ST8SIA5: variants seen among roughly 807,000 people sequenced by gnomAD.
ST8SIA5 encodes ST8 alpha-N-acetyl-neuraminide alpha-2,8-sialyltransferase 5, also known as alpha-2,8-sialyltransferase 8E.
ST8SIA5 carries 24 observed loss-of-function variants against 40.2 expected under a neutral mutation model. The ratio of observed to expected loss-of-function variants is 0.60; its 90% CI spans 0.43 to 0.84. The LOEUF (loss-of-function observed/expected upper bound fraction) is 0.84. Ranked by LOEUF, ST8SIA5 falls within the 40% of genes least tolerant of loss-of-function variation. The pLI is 0.00. For missense variants in ST8SIA5, 465 were observed against 498.5 expected (o/e 0.93, Z 0.64); for synonymous variants, 198 against 201.8 (o/e 0.98, Z 0.16).
In ST8SIA5 at chr18:46,676,342, C is replaced by G. The variant is rs1599092390; in HGVS notation, c.*3700G>C. 6.6e-6 allele frequency: 1 copy of G among 152,230 alleles called. No homozygotes were observed. The highest frequency in any genetic ancestry group is 2.1e-4 in the South Asian group (1 of 4,834). 9.4% of individuals were successfully genotyped at this position (152,230 alleles called of 1,614,324 possible). On this transcript the variant is annotated 3_prime_UTR_variant, in exon 7 of 7. Coordinates refer to ENST00000315087, the MANE Select transcript of ST8SIA5 (RefSeq NM_013305.6). The stretch of plus-strand genomic sequence containing the variant: ...CACCAGACCACAAACTCCCGGAGGG[C>G]AGGGACGACGTTTTGTTCATCACTA...
chr18:46,725,959 TAAAAAAAA>T (rs72220502), intron 1 of ST8SIA5, among the ~76,000 whole-genome samples: 1 of 17,194 alleles, frequency 5.8e-5, no homozygotes, highest in African/African-American at 3.0e-4. Flanking sequence ...CATCTCTACT[TAAAAAAAA>T]AAAAAATATA....
chr18:46,681,467 T>C (rs957259872), intron 6 of ST8SIA5, among the ~76,000 whole-genome samples: 1 of 152,212 alleles, frequency 6.6e-6, no homozygotes, highest in African/African-American at 2.4e-5. Flanking sequence ...GGCTAGGGTT[T>C]CAACACTTCC....
chr18:46,689,353 A>G (rs1391609414), intron 3 of ST8SIA5, among the ~76,000 whole-genome samples: 1 of 152,066 alleles, frequency 6.6e-6, no homozygotes, highest in Non-Finnish European at 1.5e-5. Context: ...GAGCTTTCCA[A>G]AGAGCTCCCA....
intron 2 of ST8SIA5, among the ~76,000 whole-genome samples, chr18:46,698,901 G>C (rs2039583464): frequency 6.6e-6 from 1 of 152,190 alleles, no homozygotes; most frequent in Non-Finnish European, 1.5e-5. Context: ...AGGGGAAAAA[G>C]ATGGCTAGAA....
At chr18:46,754,226 G>A (rs1221673444) in intron 1 of ST8SIA5, among the ~76,000 whole-genome samples, 1 of 152,180 alleles carries the variant, frequency 6.6e-6, no homozygotes, top group East Asian at 1.9e-4. Flanking sequence ...GGAGAGACGG[G>A]AGGAAATTGT....
chr18:46,728,356 A>G (rs1167598518), intron 1 of ST8SIA5, among the ~76,000 whole-genome samples: 1 of 152,200 alleles, frequency 6.6e-6, no homozygotes, highest in Non-Finnish European at 1.5e-5. Context: ...AAGGGGAGGA[A>G]GTGGCACATG....
chr18:46,710,794 T>C (rs905092448), intron 1 of ST8SIA5, among the ~76,000 whole-genome samples: 18 of 152,076 alleles, frequency 1.2e-4, no homozygotes, highest in Admixed American at 6.6e-5. Flanking sequence ...TCCAGGGCCA[T>C]GTTTCCTTTC....
chr18:46,746,279 C>A (rs2040139500), intron 1 of ST8SIA5, among the ~76,000 whole-genome samples: 1 of 152,190 alleles, frequency 6.6e-6, no homozygotes, highest in Non-Finnish European at 1.5e-5. Flanking sequence ...ATCAAATTGT[C>A]CCGGTTTGCA....
At chr18:46,747,209 A>G (rs1323121494) in intron 1 of ST8SIA5, among the ~76,000 whole-genome samples, 2 of 152,256 alleles carry the variant, frequency 1.3e-5, no homozygotes, top group Admixed American at 6.5e-5. Context: ...CAAAAGCCAA[A>G]ATAGACAAAT....
Position 46,741,623 on chromosome 18 carries a change from A to C in ST8SIA5, c.131+14755T>G, listed in dbSNP as rs1002387793. Among the ~76,000 whole-genome samples the C allele has an allele frequency of 2.6e-5, 4 of 152,242 alleles. No individual in the cohort carries two copies. The East Asian group carries it at 7.7e-4, about 29-fold the overall frequency. On this transcript the variant is annotated intron_variant, in intron 1 of 6. Transcript: ENST00000315087. ...GAAACAGAACAGATCATCCTGAATA[A>C]AAATAATAGCAAACAAAATCTCACA...
chr18:46,694,964 G>T (rs2039542825), intron 2 of ST8SIA5, among the ~76,000 whole-genome samples: 1 of 152,044 alleles, frequency 6.6e-6, no homozygotes, highest in African/African-American at 2.4e-5. Context: ...TTTGAGACCA[G>T]CCTGGCCAAC....
Position 46,742,105 on chromosome 18 carries a change from AT to A in ST8SIA5, c.131+14272del, listed in dbSNP as rs765621341. ...GCCAGAGCGACGCTCCATGTAAAAAATAAATAAATAAATAAATATAATTTTC... is the reference window on the plus strand; with the variant it reads ...GCCAGAGCGACGCTCCATGTAAAAAAAAATAAATAAATAAATATAATTTTC... On this transcript the variant is annotated intron_variant, in intron 1 of 6. Coordinates refer to ENST00000315087, the MANE Select transcript of ST8SIA5 (RefSeq NM_013305.6). Among the ~76,000 whole-genome samples the A allele has an allele frequency of 1.1e-3, 158 of 149,730 alleles. 2 individuals carry two copies. The highest frequency in any genetic ancestry group is 1.1e-3 in the Non-Finnish European group (75 of 67,178).
At position 46,678,468 on chromosome 18, in the gene ST8SIA5, C is replaced by T. The variant is rs2039354988; in HGVS notation, c.*1574G>A. ...GTGATTGGATAGCAGATCCCACTCC[C>T]TGATAGACTCTTACAGCTCCTAACC... On this transcript the variant is annotated 3_prime_UTR_variant, in exon 7 of 7. Transcript: ENST00000315087. 6.6e-6 allele frequency: 1 copy of T among 152,324 alleles called. No individual in the cohort carries two copies. Among genetic ancestry groups the T allele is most frequent in the Non-Finnish European group, 1.5e-5 (1 of 68,126 alleles). 9.4% of individuals were successfully genotyped at this position (152,324 alleles called of 1,614,324 possible). A position where few individuals can be genotyped will look rare whatever the true frequency, so the allele number is the denominator to read the frequency against.
intron 3 of ST8SIA5, among the ~76,000 whole-genome samples, chr18:46,690,365 G>A (rs1042528863): frequency 6.6e-6 from 1 of 152,142 alleles, no homozygotes; most frequent in Non-Finnish European, 1.5e-5. Flanking sequence ...CCATGAGCTT[G>A]AAATGAGAGC....
At chr18:46,699,659 A>T (rs328112) in intron 2 of ST8SIA5, among the ~76,000 whole-genome samples, 9,109 of 152,282 alleles carry the variant, frequency 0.06, 670 homozygotes, top group East Asian at 0.37. Context: ...GATTACAGGC[A>T]TGAGCCACCG....
In ST8SIA5 at chr18:46,756,453, A is replaced by T. The variant is rs1316730321; in HGVS notation, c.56T>A (p.Leu19His). The change falls in exon 1 of 7, where the codon CTC becomes CAC. Residue 19 changes from leucine (L) to histidine (H), a missense_variant. By Grantham distance (99) the Leu-to-His change is moderately conservative. Coordinates refer to ENST00000315087, the MANE Select transcript of ST8SIA5 (RefSeq NM_013305.6). ...NRDLLGSRTL[L>H]FIFICAFALV... ...GGCAAAGGCGCAGATGAAGATGAAG[A>T]GCAAAGTTCGGCTCCCCAACAAATC... The T allele has an allele frequency of 1.2e-6, 2 of 1,613,154 alleles. No homozygotes were observed. Among genetic ancestry groups the T allele is most frequent in the Non-Finnish European group, 1.7e-6 (2 of 1,179,388 alleles).
chr18:46,720,923 T>G (rs750080925), intron 1 of ST8SIA5, among the ~76,000 whole-genome samples: 1 of 152,174 alleles, frequency 6.6e-6, no homozygotes, highest in Non-Finnish European at 1.5e-5. Flanking sequence ...CAACCTCCCC[T>G]GTGGGCAGGG....
chr18:46,730,119 G>A, intron 1 of ST8SIA5: 1 of 970,284 alleles, frequency 1.0e-6, no homozygotes, highest in South Asian at 4.8e-5. Flanking sequence ...ACCTGCAGCT[G>A]CCATGTTCCT....
chr18:46,679,629 G>C lies in ST8SIA5; in HGVS notation c.*413C>G, dbSNP rs2039366036. The C allele has an allele frequency of 4.3e-6, 1 of 232,582 alleles. No homozygotes were observed. Among genetic ancestry groups the C allele is most frequent in the Non-Finnish European group, 8.5e-6 (1 of 118,308 alleles). 14.4% of individuals were successfully genotyped at this position (232,582 alleles called of 1,614,324 possible). Reference sequence around the variant, plus strand: ...GCTCAAGTGTCCTGTGAAGTGTCCTGTCTCCACTCTCAATTCCATTCTCTG... The same window carrying C: ...GCTCAAGTGTCCTGTGAAGTGTCCTCTCTCCACTCTCAATTCCATTCTCTG... On this transcript the variant is annotated 3_prime_UTR_variant, in exon 7 of 7. Transcript: ENST00000315087.
Sources: gnomAD v4.1 joint callset for allele counts (sites outside exome capture counted in the v4.1 genomes callset) on GRCh38, gnomAD v4.1.1 for gene constraint, MANE v1.5 for transcripts, NCBI Gene and HGNC (gene_info 2026-07-23, HGNC 2026-07-21) for gene names.